Variants in SLC24A2 observed in about 807,000 individuals in gnomAD.
SLC24A2 encodes the protein solute carrier family 24 member 2, also known as sodium/potassium/calcium exchanger 2.
In SLC24A2, 36 loss-of-function variants were observed where a neutral mutation model predicts 62.0. That is an observed-to-expected ratio of 0.58 (90% confidence interval 0.44 to 0.77). The LOEUF is 0.77. Ranked by LOEUF, SLC24A2 falls within the 30% of genes least tolerant of loss-of-function variation. SLC24A2 has a pLI of 0.00. For missense variants in SLC24A2, 846 were observed against 817.9 expected (o/e 1.03, Z -0.42); for synonymous variants, 358 against 294.0 (o/e 1.22, Z -2.23).
the SLC24A2 span, among the ~76,000 whole-genome samples, chr9:20,285,808 T>G: frequency 6.6e-6 from 1 of 152,134 alleles, no homozygotes; most frequent in African/African-American, 2.4e-5. Context: ...AAGGGGAGAC[T>G]GGGACACACA....
intron 7 of SLC24A2, among the ~76,000 whole-genome samples, chr9:19,552,445 C>A (rs73645422): frequency 0.03 from 4,595 of 152,236 alleles, 222 homozygotes; most frequent in African/African-American, 0.1. Flanking sequence ...CTGGCAGATG[C>A]CCCAGAAATA....
At chr9:19,882,213 C>T in the SLC24A2 span, among the ~76,000 whole-genome samples, 1 of 151,642 alleles carries the variant, frequency 6.6e-6, no homozygotes, top group Non-Finnish European at 1.5e-5. Context: ...GATATGCCAA[C>T]AGAGATAAAG....
At chr9:20,152,227 T>C in the SLC24A2 span, among the ~76,000 whole-genome samples, 1 of 151,934 alleles carries the variant, frequency 6.6e-6, no homozygotes, top group South Asian at 2.1e-4. Flanking sequence ...TTTATATTTA[T>C]AAGAAGGTCC....
At chr9:19,609,330 T>G (rs1587030951) in intron 4 of SLC24A2, among the ~76,000 whole-genome samples, 1 of 152,250 alleles carries the variant, frequency 6.6e-6, no homozygotes, top group African/African-American at 2.4e-5. Flanking sequence ...GCAGTGGTGC[T>G]TATACCCTAT....
chr9:19,513,570 A>T lies in SLC24A2; in HGVS notation c.*2583T>A, dbSNP rs1194123953. The stretch of plus-strand genomic sequence containing the variant: ...TCCTGTGAAGTGGAGCTCCGAGACA[A>T]GCAAAGGGCACCATAGCTGCTTTGA... On this transcript the variant is annotated 3_prime_UTR_variant, in exon 11 of 11. Transcript: ENST00000341998. 6.6e-6 allele frequency: 1 copy of T among 152,096 alleles called. No individual in the cohort carries two copies. Among genetic ancestry groups the T allele is most frequent in the Non-Finnish European group, 1.5e-5 (1 of 68,028 alleles). The allele number at this position is 152,096 out of a possible 1,614,324, so 9.4% of individuals were successfully genotyped here.
the SLC24A2 span, among the ~76,000 whole-genome samples, chr9:20,142,806 G>A: frequency 6.6e-6 from 1 of 152,086 alleles, no homozygotes. Flanking sequence ...GTGTTGGTCA[G>A]GCTGGTCTCG....
In SLC24A2 at chr9:19,673,001, T is replaced by G. The variant is rs1214251188; in HGVS notation, c.931-50702A>C. Among the ~76,000 whole-genome samples the G allele has an allele frequency of 1.4e-5, 2 of 146,552 alleles. 1 individual carries two copies. The highest frequency in any genetic ancestry group is 5.4e-5 in the African/African-American group (2 of 37,126). ...GTTCCATGTGCTGGTCAACAGAATGTATATTCTGCAGTTGTTGGGTAGAAT... is the reference window on the plus strand; with the variant it reads ...GTTCCATGTGCTGGTCAACAGAATGGATATTCTGCAGTTGTTGGGTAGAAT... On this transcript the variant is annotated intron_variant, in intron 2 of 10. Transcript: ENST00000341998.
the SLC24A2 span, among the ~76,000 whole-genome samples, chr9:19,921,085 G>C: frequency 1.1e-4 from 17 of 148,248 alleles, no homozygotes; most frequent in Admixed American, 2.7e-4. Flanking sequence ...TTATGGGGGG[G>C]GGGTGTTCCA....
intron 2 of SLC24A2, among the ~76,000 whole-genome samples, chr9:19,762,708 G>A (rs1170069728): frequency 6.6e-6 from 1 of 151,378 alleles, no homozygotes; most frequent in African/African-American, 2.4e-5. Flanking sequence ...TTTGGTTACT[G>A]TGGCCTTGTA....
the SLC24A2 span, among the ~76,000 whole-genome samples, chr9:20,175,963 TG>T: frequency 1.3e-5 from 2 of 151,866 alleles, no homozygotes; most frequent in African/African-American, 4.8e-5. Flanking sequence ...ATGGAGAGGG[TG>T]TGAGCTGAGC....
intron 2 of SLC24A2, among the ~76,000 whole-genome samples, chr9:19,669,820 A>G (rs981801410): frequency 2.0e-5 from 3 of 152,216 alleles, no homozygotes; most frequent in Admixed American, 6.6e-5. Flanking sequence ...CTGATTAGCA[A>G]CCTTAATTTT....
chr9:19,844,664 A>T, the SLC24A2 span, among the ~76,000 whole-genome samples: 1 of 152,122 alleles, frequency 6.6e-6, no homozygotes, highest in Non-Finnish European at 1.5e-5. Context: ...TTACATTTAA[A>T]TATTTAATCC....
the SLC24A2 span, among the ~76,000 whole-genome samples, chr9:19,978,432 G>T: frequency 2.0e-5 from 3 of 151,556 alleles, no homozygotes; most frequent in Non-Finnish European, 4.4e-5. Flanking sequence ...TAAAGAATGT[G>T]TCACTCCAGT....
chr9:19,709,671 C>A (rs914884156), intron 2 of SLC24A2, among the ~76,000 whole-genome samples: 1 of 147,534 alleles, frequency 6.8e-6, no homozygotes, highest in East Asian at 2.1e-4. Context: ...AACCAAACAC[C>A]GCATGTTCTC....
At chr9:19,990,694 A>G in the SLC24A2 span, among the ~76,000 whole-genome samples, 1 of 151,022 alleles carries the variant, frequency 6.6e-6, no homozygotes, top group Admixed American at 6.6e-5. Flanking sequence ...TAAACAATTC[A>G]TATACCTTAA....
chr9:19,786,506 G>A lies in SLC24A2; in HGVS notation c.361C>T (p.Pro121Ser). 1 of 1,614,098 alleles carries A rather than the reference G, an allele frequency of 6.2e-7. No homozygotes were observed. Among genetic ancestry groups the A allele is most frequent in the Non-Finnish European group, 8.5e-7 (1 of 1,180,018 alleles). Residue 121 changes from proline to serine, a missense_variant, in exon 2 of 11, where the codon CCG becomes TCG. Physicochemically the swap from Pro to Ser is moderately conservative, Grantham distance 74 (BLOSUM62 -1). Coordinates refer to ENST00000341998, the MANE Select transcript of SLC24A2 (RefSeq NM_020344.4). The surrounding 1 kb of genome is among the most constrained non-coding windows in gnomAD (Gnocchi z 5.0). ...TCCTCAAGGGAAAAGATGTCTTTCG[G>A]GTAGTCTCCTTGGGCGTGATCTGTA... ...NSTDHAQGDY[P>S]KDIFSLEERR... is the part of the protein sequence containing the mutation.
At chr9:20,153,628 T>C in the SLC24A2 span, among the ~76,000 whole-genome samples, 8 of 151,870 alleles carry the variant, frequency 5.3e-5, no homozygotes, top group South Asian at 2.1e-4. Flanking sequence ...ATGATTACTA[T>C]GGGCTCAGGA....
the SLC24A2 span, among the ~76,000 whole-genome samples, chr9:20,179,674 T>C: frequency 1.3e-5 from 2 of 152,106 alleles, no homozygotes; most frequent in African/African-American, 4.8e-5. Flanking sequence ...CCAAAGTGAA[T>C]AGATTGAGAC....
the SLC24A2 span, among the ~76,000 whole-genome samples, chr9:19,834,075 T>G: frequency 2.3e-4 from 35 of 152,192 alleles, 1 homozygote; most frequent in Middle Eastern, 6.8e-3. Context: ...AACCCATCTG[T>G]ACGTCACCAT....
Sources: allele counts gnomAD v4.1 joint callset (sites outside exome capture counted in the v4.1 genomes callset), GRCh38; gene constraint gnomAD v4.1.1; non-coding constraint Gnocchi (gnomAD v3.1); transcripts MANE v1.5; gene names NCBI Gene and HGNC (gene_info 2026-07-23, HGNC 2026-07-21).